Variants in PHIP observed in about 807,000 individuals in gnomAD.
PHIP encodes the protein PH-interacting protein.
A neutral mutation model predicts 236.8 loss-of-function variants in PHIP; 54 were observed. That is an observed-to-expected ratio of 0.23 (90% confidence interval 0.18 to 0.29). PHIP has a LOEUF of 0.29. Among genes scored for constraint, PHIP ranks in the 10% least tolerant of loss-of-function variants. The pLI is 1.00. For synonymous variants in PHIP, 756 were observed against 718.9 expected (o/e 1.05, Z -0.83); for missense variants, 1,370 against 2,190.8 (o/e 0.63, Z 7.48).
chr6:79,075,699 G>A (rs1257961394), intron 4 of PHIP, among the ~76,000 whole-genome samples: 2 of 150,494 alleles, frequency 1.3e-5, no homozygotes, highest in Non-Finnish European at 3.0e-5. Flanking sequence ...AATTTAGCCA[G>A]ATAACATTAA....
intron 7 of PHIP, among the ~76,000 whole-genome samples, chr6:79,031,854 A>C (rs983887023): frequency 6.6e-6 from 1 of 152,224 alleles, no homozygotes; most frequent in African/African-American, 2.4e-5. Flanking sequence ...TATCCAAAAA[A>C]AGTTCTGATT....
chr6:78,937,654 G>C lies in PHIP; in HGVS notation c.*3039C>G, dbSNP rs918130923. 1 of 150,134 alleles carries C rather than the reference G, an allele frequency of 6.7e-6. No individual in the cohort carries two copies. The highest frequency in any genetic ancestry group is 2.4e-5 in the African/African-American group (1 of 41,326). The allele number at this position is 150,134 out of a possible 1,614,324, so 9.3% of individuals were successfully genotyped here. A position where few individuals can be genotyped will look rare whatever the true frequency, so the allele number is the denominator to read the frequency against. ...CAGTCTTTAAATTTGTAGTGAAGTT[G>C]TGCAATAAAAACAATTGAAATAAGG... On this transcript the variant is annotated 3_prime_UTR_variant, in exon 40 of 40. Transcript: ENST00000275034.
In PHIP at chr6:78,988,382, T is replaced by C. The variant is rs146041121; in HGVS notation, c.2320-33A>G. The C allele has an allele frequency of 1.3e-3, 1,996 of 1,491,986 alleles. 1 individual carries two copies. The highest frequency in any genetic ancestry group is 1.7e-3 in the Non-Finnish European group (1,845 of 1,105,586). The allele number at this position is 1,491,986 out of a possible 1,614,324, so 92.4% of individuals were successfully genotyped here. On this transcript the variant is annotated intron_variant, in intron 20 of 39. Transcript: ENST00000275034. ...AAAATAAATTAAATTTATTCACAGA[T>C]TGTTTAAAGAGCAGGATTTTTAGTT...
chr6:79,041,145 T>G (rs1030516100), intron 7 of PHIP, among the ~76,000 whole-genome samples: 1 of 152,146 alleles, frequency 6.6e-6, no homozygotes, highest in Admixed American at 6.6e-5. Context: ...ACTCTGCTGT[T>G]GTAGTGCACA....
chr6:79,032,063 T>C (rs972808575), intron 7 of PHIP, among the ~76,000 whole-genome samples: 1 of 152,202 alleles, frequency 6.6e-6, no homozygotes, highest in Non-Finnish European at 1.5e-5. Flanking sequence ...ACGTTTACAT[T>C]ATGCTGCAGT....
Position 78,946,038 on chromosome 6 carries a change from A to C in PHIP, c.4593T>G (p.Ile1531Met). 1 of 1,611,294 alleles carries C rather than the reference A, an allele frequency of 6.2e-7. No homozygotes were observed. The highest frequency in any genetic ancestry group is 8.5e-7 in the Non-Finnish European group (1 of 1,177,436). Residue 1531 changes from isoleucine to methionine, a missense_variant, in exon 38 of 40, where the codon ATT (isoleucine) becomes ATG (methionine). By Grantham distance (10) the Ile-to-Met change is conservative. This residue lies in a region of PHIP where 309 missense variants were observed against 328.3 expected (regional missense o/e 0.94). Transcript: ENST00000275034. The stretch of plus-strand genomic sequence containing the variant: ...GTATTGCAGATGCATTAGCTTTTGT[A>C]ATAAAAGTCTTTGCAGCTGAAGAAG... ...PSTSSAAKTF[I>M]TKANASAIPG...
chr6:78,970,646 C>G (rs565279093), intron 25 of PHIP, 135 bp downstream of exon 25: 1 of 625,772 alleles, frequency 1.6e-6, no homozygotes, highest in Admixed American at 3.2e-5. Context: ...CTCCTACTCT[C>G]TAGGACTGCT....
intron 6 of PHIP, among the ~76,000 whole-genome samples, chr6:79,044,877 G>A (rs762489684): frequency 1.3e-5 from 2 of 151,952 alleles, no homozygotes; most frequent in Non-Finnish European, 2.9e-5. Context: ...AAAAGAAAAT[G>A]TTACTGCTTC....
chr6:79,074,140 GCAAA>G (rs1774027761), intron 4 of PHIP, among the ~76,000 whole-genome samples: 8 of 151,614 alleles, frequency 5.3e-5, no homozygotes. Context: ...AAACAAACAA[GCAAA>G]CAAACAAAAA....
At position 78,975,561 on chromosome 6, in the gene PHIP, T is replaced by C. The variant is rs565684643; in HGVS notation, c.2889+3031A>G. On this transcript the variant is annotated intron_variant, in intron 24 of 39. Transcript: ENST00000275034. ...GGAGAAGGAAAGAAAGGGTATTCAA[T>C]TAGGAAAAGAGGAAGTCAAATTGTC... Among the ~76,000 whole-genome samples, 119 of 152,182 alleles carry C rather than the reference T, an allele frequency of 7.8e-4. 1 individual carries two copies. The highest frequency in any genetic ancestry group is 2.4e-3 in the Admixed American group (37 of 15,262).
In PHIP at chr6:78,998,382, T is replaced by C. The variant is rs761973622; in HGVS notation, c.1889A>G (p.Gln630Arg). 6.2e-7 allele frequency: 1 copy of C among 1,613,558 alleles called. No individual in the cohort carries two copies. The highest frequency in any genetic ancestry group is 8.5e-7 in the Non-Finnish European group (1 of 1,179,578). Reference sequence around the variant, plus strand: ...CTGGTTTGCTTGCTGACTTAAAACTTGATTCAGTCCTATACAATACCACAC... The same window carrying C: ...CTGGTTTGCTTGCTGACTTAAAACTCGATTCAGTCCTATACAATACCACAC... ...QMGVTSSGLN[Q>R]VLSQQANQEI... Residue 630 changes from glutamine to arginine, a missense_variant, in exon 18 of 40, where the codon CAA becomes CGA. Physicochemically the swap from Gln to Arg is conservative, Grantham distance 43. Around this residue, in one of 14 missense-constraint regions of PHIP, gnomAD observed 133 missense variants for 245.2 expected, o/e 0.54. Transcript: ENST00000275034.
At chr6:79,039,579 C>A (rs1247495088) in intron 7 of PHIP, among the ~76,000 whole-genome samples, 1 of 152,126 alleles carries the variant, frequency 6.6e-6, no homozygotes, top group Non-Finnish European at 1.5e-5. Flanking sequence ...TATATCCCAA[C>A]TGCTTAAAAC....
At chr6:78,968,201 T>C (rs1377062844) in intron 27 of PHIP, among the ~76,000 whole-genome samples, 1 of 152,230 alleles carries the variant, frequency 6.6e-6, no homozygotes, top group Non-Finnish European at 1.5e-5. Context: ...CAATCAGATG[T>C]ACCAAAGGCT....
At chr6:78,974,856 A>G (rs9352681) in intron 24 of PHIP, among the ~76,000 whole-genome samples, 138,869 of 150,038 alleles carry the variant, frequency 0.93, 64,371 homozygotes, top group East Asian at 1. Flanking sequence ...ACCAATAACA[A>G]GATCTGAAAT....
chr6:79,041,802 T>G (rs915154946), intron 7 of PHIP, among the ~76,000 whole-genome samples: 1 of 152,002 alleles, frequency 6.6e-6, no homozygotes, highest in African/African-American at 2.4e-5. Flanking sequence ...GATGTGCAAA[T>G]GCCTGAGGTA....
intron 32 of PHIP, chr6:78,956,157 A>C (rs1766402395): frequency 6.6e-6 from 1 of 152,108 alleles, no homozygotes; most frequent in African/African-American, 2.4e-5. Flanking sequence ...CCAACACCTA[A>C]AATTCCACGT....
At chr6:79,022,180 G>T (rs1178985238) in intron 9 of PHIP, among the ~76,000 whole-genome samples, 3 of 152,118 alleles carry the variant, frequency 2.0e-5, no homozygotes, top group African/African-American at 7.2e-5. Flanking sequence ...GCGACCTTAG[G>T]CCAAGTTAAC....
chr6:78,952,535 T>C (rs944264556), intron 35 of PHIP, among the ~76,000 whole-genome samples: 4 of 152,052 alleles, frequency 2.6e-5, no homozygotes, highest in Admixed American at 2.6e-4. Flanking sequence ...AAATTTTTGT[T>C]AGACATATTT....
intron 24 of PHIP, among the ~76,000 whole-genome samples, chr6:78,974,638 T>C (rs971366730): frequency 2.0e-5 from 3 of 150,920 alleles, no homozygotes; most frequent in African/African-American, 4.9e-5. Flanking sequence ...GCAAGACTAA[T>C]AAAAGAAAAA....
Sources: gnomAD v4.1 joint callset for allele counts (sites outside exome capture counted in the v4.1 genomes callset) on GRCh38, gnomAD v4.1.1 for gene constraint, gnomAD v4.1.1 regional missense constraint, MANE v1.5 for transcripts, NCBI Gene and HGNC (gene_info 2026-07-23, HGNC 2026-07-21) for gene names.